TEK: variants seen among roughly 807,000 people sequenced by gnomAD.
The protein encoded by TEK is TEK receptor tyrosine kinase, also known as angiopoietin-1 receptor.
TEK carries 43 observed loss-of-function variants against 131.8 expected under a neutral mutation model. That is an observed-to-expected ratio of 0.33 (90% confidence interval 0.26 to 0.42). The LOEUF is 0.42. TEK is among the 10% of genes least tolerant of loss of function. TEK has a pLI of 1.00. For missense variants in TEK, 1,162 were observed against 1,384.4 expected (o/e 0.84, Z 2.55); for synonymous variants, 580 against 491.6 (o/e 1.18, Z -2.38).
chr9:27,137,728 A>C (rs67667821), intron 1 of TEK, among the ~76,000 whole-genome samples: 78,356 of 151,846 alleles, frequency 0.52, 21,163 homozygotes, highest in African/African-American at 0.56. Flanking sequence ...GAGATCCCAG[A>C]GGCTCACTAT....
intron 1 of TEK, among the ~76,000 whole-genome samples, chr9:27,154,682 G>T (rs916939597): frequency 6.6e-6 from 1 of 152,166 alleles, no homozygotes. Flanking sequence ...GAAGCTGGTA[G>T]GTATGTCTTC....
chr9:27,147,538 T>C (rs1335529610), intron 1 of TEK, among the ~76,000 whole-genome samples: 1 of 152,164 alleles, frequency 6.6e-6, no homozygotes, highest in Non-Finnish European at 1.5e-5. Context: ...TTTGTCCTTT[T>C]ATTTTCTTAA....
intron 21 of TEK, among the ~76,000 whole-genome samples, chr9:27,225,613 A>G (rs117207000): frequency 0.029 from 4,351 of 152,214 alleles, 93 homozygotes; most frequent in Non-Finnish European, 0.049. Flanking sequence ...GACAAACGTA[A>G]AATCTAAAAC....
At chr9:27,182,349 A>G (rs1824411896) in intron 7 of TEK, among the ~76,000 whole-genome samples, 4 of 152,186 alleles carry the variant, frequency 2.6e-5, no homozygotes, top group Admixed American at 2.6e-4. Context: ...GAAATGCTTT[A>G]AAAGTGTCAA....
chr9:27,123,832 A>G (rs982671056), intron 1 of TEK, among the ~76,000 whole-genome samples: 1 of 152,224 alleles, frequency 6.6e-6, no homozygotes, highest in African/African-American at 2.4e-5. Context: ...GCAAAAGTGC[A>G]ATGGCATGAT....
intron 8 of TEK, among the ~76,000 whole-genome samples, chr9:27,185,011 G>A (rs1824544009): frequency 6.6e-6 from 1 of 151,280 alleles, no homozygotes; most frequent in South Asian, 2.1e-4. Flanking sequence ...ACTCCAGCCT[G>A]AGCCAAGGAA....
intron 4 of TEK, among the ~76,000 whole-genome samples, chr9:27,170,308 G>C (rs1433184737): frequency 6.6e-6 from 1 of 152,124 alleles, no homozygotes; most frequent in Non-Finnish European, 1.5e-5. Flanking sequence ...AACCATACCA[G>C]ACGGGGACAC....
rs1372776179 is a variant in TEK at position 27,218,940 on chromosome 9, G to C, written c.3103+123G>C. 4 of 986,626 alleles carry C rather than the reference G, an allele frequency of 4.1e-6. No individual in the cohort carries two copies. The African/African-American group carries it at 6.4e-5, about 16-fold the overall frequency. The allele number at this position is 986,626 out of a possible 1,614,324, so 61.1% of individuals were successfully genotyped here. On this transcript the variant is annotated intron_variant, in intron 20 of 22. Transcript: ENST00000380036. The stretch of plus-strand genomic sequence containing the variant: ...TATGTGGTTCTACCAGATGTGACTT[G>C]GAAATAGAAACATAGTGTATTAATT...
intron 15 of TEK, among the ~76,000 whole-genome samples, chr9:27,208,021 T>C (rs1241275200): frequency 6.6e-6 from 1 of 152,034 alleles, no homozygotes; most frequent in Non-Finnish European, 1.5e-5. Flanking sequence ...CAGTTTTTAT[T>C]GGGATCTATT....
At chr9:27,120,922 A>G (rs679504) in intron 1 of TEK, among the ~76,000 whole-genome samples, 84,917 of 152,058 alleles carry the variant, frequency 0.56, 24,980 homozygotes, top group East Asian at 0.7. Context: ...ATTACAATGT[A>G]CAGTTTACTG....
At chr9:27,227,051 C>T (rs1826362302) in intron 21 of TEK, among the ~76,000 whole-genome samples, 1 of 152,160 alleles carries the variant, frequency 6.6e-6, no homozygotes, top group South Asian at 2.1e-4. Flanking sequence ...TTTTGAGATT[C>T]ACTTCATAAG....
intron 11 of TEK, among the ~76,000 whole-genome samples, chr9:27,196,762 CTTTTT>C (rs367911024): frequency 2.0e-5 from 2 of 99,286 alleles, no homozygotes; most frequent in African/African-American, 7.9e-5. Context: ...GTGCTATACA[CTTTTT>C]TTTTTTTTTT....
intron 1 of TEK, among the ~76,000 whole-genome samples, chr9:27,112,539 GTC>G (rs1821386995): frequency 6.6e-6 from 1 of 152,148 alleles, no homozygotes; most frequent in South Asian, 2.1e-4. Context: ...CTTCCAAGGC[GTC>G]TCTCCAGGAG....
At chr9:27,151,878 CA>C (rs1460638035) in intron 1 of TEK, among the ~76,000 whole-genome samples, 1 of 152,068 alleles carries the variant, frequency 6.6e-6, no homozygotes, top group Non-Finnish European at 1.5e-5. Context: ...ACAGCAAAAA[CA>C]AAAAACCTAA....
chr9:27,123,078 A>AAAAC (rs1821859603), intron 1 of TEK, among the ~76,000 whole-genome samples: 2 of 147,686 alleles, frequency 1.4e-5, no homozygotes, highest in Non-Finnish European at 3.0e-5. Flanking sequence ...AAAAAAAAAA[A>AAAAC]CTGGAGGAAA....
At chr9:27,206,242 C>T (rs535604578) in intron 14 of TEK, among the ~76,000 whole-genome samples, 31 of 152,320 alleles carry the variant, frequency 2.0e-4, no homozygotes, top group South Asian at 1.9e-3. Flanking sequence ...CAGAACTGAA[C>T]GCTTGCTCAT....
Position 27,203,772 on chromosome 9 carries a change from A to T in TEK, c.2209+653A>T, listed in dbSNP as rs551940798. 3.3e-5 allele frequency among the ~76,000 whole-genome samples: 5 copies of T among 152,358 alleles called. No homozygotes were observed. In the South Asian group the frequency reaches 8.3e-4, roughly 25 times the overall value. On this transcript the variant is annotated intron_variant, in intron 13 of 22. Transcript: ENST00000380036. Reference sequence around the variant, plus strand: ...CTCCCGGCTCTCTGTGTTGTGTACAATGTGTGCCAGAGAATGTAGATGGAG... The same window carrying T: ...CTCCCGGCTCTCTGTGTTGTGTACATTGTGTGCCAGAGAATGTAGATGGAG...
intron 21 of TEK, among the ~76,000 whole-genome samples, chr9:27,222,460 G>C (rs1050235630): frequency 5.3e-5 from 8 of 152,224 alleles, no homozygotes; most frequent in Admixed American, 3.9e-4. Context: ...AGGGCAGCCA[G>C]AGAGAAAGGT....
At chr9:27,139,617 C>G (rs1315483659) in intron 1 of TEK, among the ~76,000 whole-genome samples, 2 of 151,974 alleles carry the variant, frequency 1.3e-5, no homozygotes, top group Non-Finnish European at 2.9e-5. Flanking sequence ...AGACACCATG[C>G]CTGGCTGACA....
Sources: gnomAD v4.1 joint callset for allele counts (sites outside exome capture counted in the v4.1 genomes callset) on GRCh38, gnomAD v4.1.1 for gene constraint, MANE v1.5 for transcripts, NCBI Gene and HGNC (gene_info 2026-07-23, HGNC 2026-07-21) for gene names.